TBC1D2: variants seen among roughly 807,000 people sequenced by gnomAD.
TBC1D2 encodes TBC1 domain family member 2A.
In TBC1D2, 58 loss-of-function variants were observed where a neutral mutation model predicts 91.1. The ratio of observed to expected loss-of-function variants is 0.64; its 90% CI spans 0.52 to 0.79. TBC1D2 has a LOEUF of 0.79. TBC1D2 is among the 30% of genes least tolerant of loss of function. TBC1D2 has a pLI of 0.00. For synonymous variants in TBC1D2, 482 were observed against 511.5 expected (o/e 0.94, Z 0.78); for missense variants, 1,080 against 1,208.3 (o/e 0.89, Z 1.57).
At chr9:98,246,541 G>A (rs969699165) in intron 2 of TBC1D2, among the ~76,000 whole-genome samples, 17 of 152,076 alleles carry the variant, frequency 1.1e-4, no homozygotes, top group Non-Finnish European at 2.2e-4. Context: ...TTGTGAGTGG[G>A]GCTGGAGAAA....
chr9:98,244,195 G>A, intron 2 of TBC1D2, 66 bp from the exon 3 acceptor site: 1 of 1,591,440 alleles, frequency 6.3e-7, no homozygotes, highest in Non-Finnish European at 8.6e-7. Flanking sequence ...GGTCAGGTGG[G>A]ATGCTATGGG....
chr9:98,246,697 G>C (rs965161963), intron 2 of TBC1D2, among the ~76,000 whole-genome samples: 4 of 152,198 alleles, frequency 2.6e-5, no homozygotes, highest in Admixed American at 2.0e-4. Flanking sequence ...ACTTCCTGGA[G>C]GAGGGGCACT....
At chr9:98,201,443 CA>C (rs1205428302) in intron 11 of TBC1D2, 35 bp downstream of exon 11, 2 of 1,597,466 alleles carry the variant, frequency 1.3e-6, no homozygotes, top group Non-Finnish European at 1.7e-6. Flanking sequence ...GGGACTTGCT[CA>C]GGGGCCCCCT....
At chr9:98,250,903 T>C (rs1829860114) in intron 2 of TBC1D2, among the ~76,000 whole-genome samples, 1 of 152,138 alleles carries the variant, frequency 6.6e-6, no homozygotes, top group South Asian at 2.1e-4. Context: ...TCTTCCACGT[T>C]GGGATGATCC....
At position 98,199,638 on chromosome 9, in the gene TBC1D2, C is replaced by T. The variant is rs781706921; in HGVS notation, c.2580-50G>A. The T allele has an allele frequency of 2.7e-5, 43 of 1,596,138 alleles. No homozygotes were observed. The Middle Eastern group carries it at 1.0e-3, about 37-fold the overall frequency. Reference sequence around the variant, plus strand: ...AGAGCACGTCACCCCACCTGGCCGGCGTTTACCCGGCTCTCCCAGACAGAC... The same window carrying T: ...AGAGCACGTCACCCCACCTGGCCGGTGTTTACCCGGCTCTCCCAGACAGAC... On this transcript the variant is annotated intron_variant, in intron 12 of 12. Coordinates refer to ENST00000465784, the MANE Select transcript of TBC1D2 (RefSeq NM_001267571.2).
At chr9:98,216,022 G>A (rs761116776) in intron 6 of TBC1D2, among the ~76,000 whole-genome samples, 2 of 152,196 alleles carry the variant, frequency 1.3e-5, no homozygotes, top group Non-Finnish European at 2.9e-5. Context: ...AGTTGGCCAT[G>A]TACCGGCACC....
chr9:98,229,251 G>A (rs1282076503), intron 4 of TBC1D2, 103 bp from the exon 5 acceptor site: 1 of 1,080,566 alleles, frequency 9.3e-7, no homozygotes. Flanking sequence ...AAATGCGGAT[G>A]GTTGGGCCCT....
rs143910740 is a variant in TBC1D2, at chr9:98,251,924, G to A, written c.372C>T (p.Ala124=). ...KTPSRVITLK[A]ATKQAMLYWL... ...AGTACAGCATCGCTTGCTTGGTGGC[G>A]GCCTGAGAAGCACAAGGATTAGTTG... Residue 124 remains alanine, a splice_region_variant and synonymous_variant, in exon 2 of 13, where the codon GCC becomes GCT. Coordinates refer to ENST00000465784, the MANE Select transcript of TBC1D2 (RefSeq NM_001267571.2). 96 of 1,598,244 alleles carry A rather than the reference G, an allele frequency of 6.0e-5. No individual in the cohort carries two copies. The East Asian group carries it at 1.6e-3, about 27-fold the overall frequency.
At chr9:98,244,659 C>CAA (rs59871511) in intron 2 of TBC1D2, among the ~76,000 whole-genome samples, 1,512 of 46,226 alleles carry the variant, frequency 0.033, 101 homozygotes, top group African/African-American at 0.095. Flanking sequence ...AACTCCGTCT[C>CAA]AAAAAAAAAA....
intron 8 of TBC1D2, among the ~76,000 whole-genome samples, chr9:98,210,147 G>A (rs1011593864): frequency 6.6e-6 from 1 of 152,158 alleles, no homozygotes; most frequent in Non-Finnish European, 1.5e-5. Flanking sequence ...TCTTATGGAG[G>A]CTGAGTACGA....
chr9:98,199,050 A>AT lies in TBC1D2; in HGVS notation c.*330dup, dbSNP rs1828409255. The AT allele has an allele frequency of 7.0e-6, 3 of 430,198 alleles. No homozygotes were observed. The highest frequency in any genetic ancestry group is 1.3e-5 in the Non-Finnish European group (3 of 237,480). 26.6% of individuals were successfully genotyped at this position (430,198 alleles called of 1,614,324 possible). A position where few individuals can be genotyped will look rare whatever the true frequency, so the allele number is the denominator to read the frequency against. ...CTTATGAATGATTTCCACCATTTAC[A>AT]TTGTTTTATATTGATATAACCTAGA... On this transcript the variant is annotated 3_prime_UTR_variant, in exon 13 of 13. Transcript: ENST00000465784.
intron 5 of TBC1D2, among the ~76,000 whole-genome samples, chr9:98,223,876 A>G (rs1050271104): frequency 6.6e-6 from 1 of 152,216 alleles, no homozygotes. Flanking sequence ...TAAAGTCTGG[A>G]TTATAAGCAA....
At chr9:98,223,236 G>A (rs1160166482) in intron 5 of TBC1D2, among the ~76,000 whole-genome samples, 1 of 152,196 alleles carries the variant, frequency 6.6e-6, no homozygotes, top group East Asian at 1.9e-4. Context: ...AGAATGAGAA[G>A]GGCCAGAGAT....
chr9:98,216,695 T>C (rs1828976935), intron 6 of TBC1D2, among the ~76,000 whole-genome samples: 1 of 152,146 alleles, frequency 6.6e-6, no homozygotes, highest in Admixed American at 6.5e-5. Flanking sequence ...TGGATATTTA[T>C]TTATTTTTCT....
rs10818627 is a variant in TBC1D2, at chr9:98,228,571, G to A, written c.978+381C>T. On this transcript the variant is annotated intron_variant, in intron 5 of 12. Transcript: ENST00000465784. The surrounding 1 kb of genome is among the most constrained non-coding windows in gnomAD (Gnocchi z 4.0). Reference sequence around the variant, plus strand: ...ATTCAGATATCTGTGCCCAGATATCGGCTGCCAGGTCAAAGTTCCCCCCAG... The same window carrying A: ...ATTCAGATATCTGTGCCCAGATATCAGCTGCCAGGTCAAAGTTCCCCCCAG... Among the ~76,000 whole-genome samples the A allele has an allele frequency of 0.24, 36,621 of 151,932 alleles. 4,634 individuals carry two copies. The highest frequency in any genetic ancestry group is 0.28 in the Non-Finnish European group (18,815 of 67,948).
intron 8 of TBC1D2, among the ~76,000 whole-genome samples, chr9:98,209,756 T>TTCCTTCCTTCCTTCCTTTCC (rs369507489): frequency 1.9e-5 from 2 of 105,578 alleles, no homozygotes; most frequent in African/African-American, 8.3e-5. Context: ...CCTTCCTTCC[T>TTCCTTCCTTCCTTCCTTTCC]TTCCTTCCTT....
At chr9:98,218,338 A>G (rs1465729758) in intron 6 of TBC1D2, among the ~76,000 whole-genome samples, 1 of 152,024 alleles carries the variant, frequency 6.6e-6, no homozygotes, top group Non-Finnish European at 1.5e-5. Flanking sequence ...AGGCCGAGGC[A>G]GGCAGATCAC....
chr9:98,251,950 G>T (rs751753174), intron 1 of TBC1D2, 24 bp from the exon 2 acceptor site: 1 of 1,588,586 alleles, frequency 6.3e-7, no homozygotes, highest in Non-Finnish European at 8.5e-7. Context: ...GGATTAGTTG[G>T]CAAGGCCCTG....
intron 1 of TBC1D2, among the ~76,000 whole-genome samples, chr9:98,253,064 G>A (rs777288607): frequency 6.6e-6 from 1 of 152,130 alleles, no homozygotes; most frequent in East Asian, 1.9e-4. Context: ...AGCTCCAGCC[G>A]AACCCAAATA....
Sources: gnomAD v4.1 joint callset for allele counts (sites outside exome capture counted in the v4.1 genomes callset) on GRCh38, gnomAD v4.1.1 for gene constraint, Gnocchi (gnomAD v3.1) non-coding constraint, MANE v1.5 for transcripts, NCBI Gene and HGNC (gene_info 2026-07-23, HGNC 2026-07-21) for gene names.